Variants in SKI observed in about 807,000 individuals in gnomAD.
SKI encodes the protein SKI proto-oncogene.
SKI carries 23 observed loss-of-function variants against 59.3 expected under a neutral mutation model. The ratio of observed to expected loss-of-function variants is 0.39; its 90% confidence interval spans 0.28 to 0.55. The LOEUF (loss-of-function observed/expected upper bound fraction) is 0.55. SKI is among the 20% of genes least tolerant of loss of function. SKI has a pLI of 0.67. For synonymous variants in SKI, 673 were observed against 488.6 expected, an observed-to-expected ratio of 1.38 and a Z score of -4.98; for missense variants, 1,017 against 1,038.9, an observed-to-expected ratio of 0.98 and a Z score of 0.29.
intron 1 of SKI, among the ~76,000 whole-genome samples, chr1:2,238,098 G>A (rs72637889): frequency 0.012 from 1,795 of 152,338 alleles, 28 homozygotes; most frequent in Non-Finnish European, 0.013. Context: ...GCAGCTCCAG[G>A]GTGGGCATCC....
intron 5 of SKI, among the ~76,000 whole-genome samples, chr1:2,304,859 C>G (rs1027391839): frequency 1.3e-5 from 2 of 152,266 alleles, no homozygotes; most frequent in African/African-American, 4.8e-5. Context: ...ATCAGGATCA[C>G]ACACCCTGCG....
intron 1 of SKI, among the ~76,000 whole-genome samples, chr1:2,232,295 G>A (rs1638655820): frequency 3.9e-5 from 6 of 152,230 alleles, no homozygotes; most frequent in Admixed American, 3.3e-4. Flanking sequence ...TGCGGAGCCG[G>A]AGGGGGCTGA....
In SKI at chr1:2,307,945, T is replaced by C. The variant is rs1640639946; in HGVS notation, c.*1180T>C. 6.6e-6 allele frequency: 1 copy of C among 152,580 alleles called. No individual in the cohort carries two copies. Among genetic ancestry groups the C allele is most frequent in the African/African-American group, 2.4e-5 (1 of 41,458 alleles). 9.5% of individuals were successfully genotyped at this position (152,580 alleles called of 1,614,324 possible). A position where few individuals can be genotyped will look rare whatever the true frequency, so the allele number is the denominator to read the frequency against. ...TTCCAGCATCTTGTACAGCAAATCC[T>C]GACTCGTGTCTTTTTACCCCCAAGA... On this transcript the variant is annotated 3_prime_UTR_variant, in exon 7 of 7. Coordinates refer to ENST00000378536, the MANE Select transcript of SKI (RefSeq NM_003036.4).
At chr1:2,237,052 T>C (rs1042550571) in intron 1 of SKI, among the ~76,000 whole-genome samples, 33 of 152,222 alleles carry the variant, frequency 2.2e-4, no homozygotes, top group African/African-American at 7.9e-4. Flanking sequence ...GTCCTGAGGG[T>C]TCCACCCCAG....
rs11583514 is a variant in SKI, at chr1:2,245,854, T to C, written c.969+16119T>C. Among the ~76,000 whole-genome samples the C allele has an allele frequency of 3.6e-4, 47 of 128,802 alleles. 1 individual carries two copies. The South Asian group carries it at 3.9e-3, about 11-fold the overall frequency. The allele number at this position is 128,802 out of a possible 152,430, so 84.5% of individuals were successfully genotyped here. ...CTCTGTTGCCCAGGCCAGAGTGCGG[T>C]GGCACAGTCTCGGCTCACTGCAACC... On this transcript the variant is annotated intron_variant, in intron 1 of 6. Coordinates refer to ENST00000378536, the MANE Select transcript of SKI (RefSeq NM_003036.4).
chr1:2,283,849 G>A (rs541115195), intron 1 of SKI, among the ~76,000 whole-genome samples: 16 of 152,346 alleles, frequency 1.1e-4, no homozygotes, highest in African/African-American at 3.4e-4. Flanking sequence ...CATCGTGGGC[G>A]TCTGCTGGGG....
At chr1:2,257,734 A>G (rs1303866497) in intron 1 of SKI, among the ~76,000 whole-genome samples, 3 of 151,796 alleles carry the variant, frequency 2.0e-5, no homozygotes, top group Non-Finnish European at 4.4e-5. Flanking sequence ...ATATTTATTT[A>G]TTTACTTATT....
chr1:2,306,563 CGG>C lies in SKI; in HGVS notation c.1999-13_1999-12del, dbSNP rs1640588186. ...CAGCGAGCAGGCGCCGCTGACCACT[CGG>C]CTCCCTTTCAGATCGAAGACCTGCA... is the stretch of plus-strand genomic sequence containing the variant. On this transcript the variant is annotated splice_polypyrimidine_tract_variant and intron_variant, in intron 6 of 6. Transcript: ENST00000378536. 1 of 1,539,798 alleles carries C rather than the reference CGG, an allele frequency of 6.5e-7. No homozygotes were observed. Among genetic ancestry groups the C allele is most frequent in the African/African-American group, 1.4e-5 (1 of 72,564 alleles).
At chr1:2,276,154 C>T (rs148366242) in intron 1 of SKI, among the ~76,000 whole-genome samples, 119 of 152,286 alleles carry the variant, frequency 7.8e-4, no homozygotes, top group Admixed American at 2.0e-3. Flanking sequence ...CCTGTGGACT[C>T]TCCCATTCAC....
rs1353770359 is a variant in SKI at position 2,229,800 on chromosome 1, C to T, written c.969+65C>T. 6.5e-7 allele frequency: 1 copy of T among 1,548,386 alleles called. No homozygotes were observed. The highest frequency in any genetic ancestry group is 2.4e-5 in the East Asian group (1 of 40,902). On this transcript the variant is annotated intron_variant, in intron 1 of 6. Coordinates refer to ENST00000378536, the MANE Select transcript of SKI (RefSeq NM_003036.4). This position sits in a 1 kb window ranked among gnomAD's most constrained non-coding sequence, Gnocchi z 6.3. Reference sequence around the variant, plus strand: ...TGGGGTGGGGGCCCCTTCTGGACTACAGGCTCTGGTCTCCGAAGGCTGGGA... The same window carrying T: ...TGGGGTGGGGGCCCCTTCTGGACTATAGGCTCTGGTCTCCGAAGGCTGGGA...
At position 2,303,231 on chromosome 1, in the gene SKI, T is replaced by C; in HGVS notation, c.1096-54T>C. On this transcript the variant is annotated intron_variant, in intron 2 of 6. Transcript: ENST00000378536. This position sits in a 1 kb window ranked among gnomAD's most constrained non-coding sequence, Gnocchi z 5.6. ...GGCACCCGGCGCAGCCTCAGGGACATGAAGTGGCTTGTTTTTCTCCTGGTC... is the reference window on the plus strand; with the variant it reads ...GGCACCCGGCGCAGCCTCAGGGACACGAAGTGGCTTGTTTTTCTCCTGGTC... 1 of 1,603,674 alleles carries C rather than the reference T, an allele frequency of 6.2e-7. No homozygotes were observed. The highest frequency in any genetic ancestry group is 8.5e-7 in the Non-Finnish European group (1 of 1,172,086).
chr1:2,238,960 G>C lies in SKI; in HGVS notation c.969+9225G>C, dbSNP rs549722720. Among the ~76,000 whole-genome samples, 5 of 152,322 alleles carry C rather than the reference G, an allele frequency of 3.3e-5. No homozygotes were observed. The South Asian group carries it at 6.2e-4, about 19-fold the overall frequency. ...CCTGGACGCCCGTGTGGACCTGGAG[G>C]GGGGTGGGGACCCGGCCTGGCATGG... On this transcript the variant is annotated intron_variant, in intron 1 of 6. Transcript: ENST00000378536.
chr1:2,306,720 C>T lies in SKI; in HGVS notation c.2142C>T (p.Arg714=), dbSNP rs1569868248. 1.3e-6 allele frequency: 2 copies of T among 1,535,114 alleles called. No homozygotes were observed. Among genetic ancestry groups the T allele is most frequent in the Non-Finnish European group, 1.8e-6 (2 of 1,142,138 alleles). Residue 714 remains arginine (R), a synonymous_variant, in exon 7 of 7, where the codon CGC becomes CGT. Transcript: ENST00000378536. ...ELQEQLWPRA[R]PEAAGSEGAA... is the part of the protein sequence containing the mutation. ...AGGAACAGCTGTGGCCGCGGGCCCGCCCCGAGGCTGCGGGCAGCGAGGGCG... is the reference window on the plus strand; with the variant it reads ...AGGAACAGCTGTGGCCGCGGGCCCGTCCCGAGGCTGCGGGCAGCGAGGGCG...
chr1:2,285,189 A>G (rs1390400895), intron 1 of SKI, among the ~76,000 whole-genome samples: 3 of 152,014 alleles, frequency 2.0e-5, no homozygotes, highest in Non-Finnish European at 4.4e-5. Context: ...CCTTTTTGAC[A>G]TGCATTTGGA....
chr1:2,306,809 G>C lies in SKI; in HGVS notation c.*44G>C. 1 of 1,382,064 alleles carries C rather than the reference G, an allele frequency of 7.2e-7. No individual in the cohort carries two copies. Among genetic ancestry groups the C allele is most frequent in the Non-Finnish European group, 9.4e-7 (1 of 1,065,174 alleles). The allele number at this position is 1,382,064 out of a possible 1,614,324, so 85.6% of individuals were successfully genotyped here. On this transcript the variant is annotated 3_prime_UTR_variant, in exon 7 of 7. Coordinates refer to ENST00000378536, the MANE Select transcript of SKI (RefSeq NM_003036.4). ...CAGCGCCGCCGACAACGCGGGTGCA[G>C]GGGGGCGCGGCTGGGCGGTGCAGCT...
At chr1:2,293,427 G>GCCC (rs145326512) in intron 1 of SKI, among the ~76,000 whole-genome samples, 5 of 142,786 alleles carry the variant, frequency 3.5e-5, no homozygotes, top group African/African-American at 1.3e-4. Context: ...CCAGGGCGAG[G>GCCC]CCCCCCCCCA....
At chr1:2,262,535 T>C (rs1348284882) in intron 1 of SKI, among the ~76,000 whole-genome samples, 2 of 151,776 alleles carry the variant, frequency 1.3e-5, no homozygotes, top group African/African-American at 4.8e-5. Flanking sequence ...GATCTCCTGG[T>C]CTGGAAGGCG....
At chr1:2,278,774 C>A (rs1265884336) in intron 1 of SKI, among the ~76,000 whole-genome samples, 1 of 152,024 alleles carries the variant, frequency 6.6e-6, no homozygotes, top group African/African-American at 2.4e-5. Context: ...GGCCTGCAGA[C>A]CCCCCTTCTT....
chr1:2,283,639 A>T (rs1311503487), intron 1 of SKI, among the ~76,000 whole-genome samples: 1 of 151,684 alleles, frequency 6.6e-6, no homozygotes, highest in Admixed American at 6.5e-5. Flanking sequence ...TTTGGGTACC[A>T]CGAGGGGCCA....
Sources: gnomAD v4.1 joint callset for allele counts (sites outside exome capture counted in the v4.1 genomes callset) on GRCh38, gnomAD v4.1.1 for gene constraint, Gnocchi (gnomAD v3.1) non-coding constraint, MANE v1.5 for transcripts, NCBI Gene and HGNC (gene_info 2026-07-23, HGNC 2026-07-21) for gene names.